TBX15: variants seen among roughly 807,000 people sequenced by gnomAD.
The protein encoded by TBX15 is T-box transcription factor TBX15.
Under a neutral mutation model 53.9 loss-of-function variants are expected in TBX15, and 18 were observed. The ratio of observed to expected loss-of-function variants is 0.33; its 90% confidence interval spans 0.23 to 0.49. The LOEUF (loss-of-function observed/expected upper bound fraction) is 0.49. TBX15 is among the 20% of genes least tolerant of loss of function. TBX15 has a pLI of 0.98. For synonymous variants in TBX15, 295 were observed against 278.0 expected (o/e 1.06, Z -0.61); for missense variants, 692 against 749.5 (o/e 0.92, Z 0.90).
intron 7 of TBX15, among the ~76,000 whole-genome samples, chr1:118,894,242 G>A (rs1246513532): frequency 1.3e-5 from 2 of 152,124 alleles, no homozygotes; most frequent in Admixed American, 1.3e-4. Flanking sequence ...AGTAATAATA[G>A]CAATAATGAG....
intron 1 of TBX15, among the ~76,000 whole-genome samples, chr1:118,973,859 A>G (rs1657326636): frequency 6.6e-6 from 1 of 152,094 alleles, no homozygotes; most frequent in Non-Finnish European, 1.5e-5. Context: ...CTGTGTCTTC[A>G]GGAAGCACCT....
At chr1:118,977,393 T>G (rs1368788563) in intron 1 of TBX15, among the ~76,000 whole-genome samples, 1 of 152,220 alleles carries the variant, frequency 6.6e-6, no homozygotes, top group Non-Finnish European at 1.5e-5. Context: ...ATCATTATTA[T>G]AGTTTTGTTA....
intron 6 of TBX15, among the ~76,000 whole-genome samples, chr1:118,908,392 A>C (rs1010842480): frequency 1.3e-5 from 2 of 152,042 alleles, no homozygotes; most frequent in Admixed American, 1.3e-4. Flanking sequence ...AAAAAAAAAA[A>C]AAATCTCAAG....
chr1:118,972,762 G>A (rs540954117), intron 1 of TBX15, among the ~76,000 whole-genome samples: 1 of 152,210 alleles, frequency 6.6e-6, no homozygotes, highest in South Asian at 2.1e-4. Flanking sequence ...ACCACACCCA[G>A]CTAATTTTTG....
At chr1:118,978,691 T>C (rs1571219611) in intron 1 of TBX15, among the ~76,000 whole-genome samples, 1 of 152,198 alleles carries the variant, frequency 6.6e-6, no homozygotes, top group East Asian at 1.9e-4. Context: ...TGCAGGAGAG[T>C]GAAGACATAT....
chr1:118,943,955 A>G (rs892348365), intron 1 of TBX15, among the ~76,000 whole-genome samples: 2 of 152,058 alleles, frequency 1.3e-5, no homozygotes, highest in African/African-American at 4.8e-5. Context: ...CCATTTCAAA[A>G]CTTCACCTCA....
chr1:118,978,316 C>G (rs1251380277), intron 1 of TBX15, among the ~76,000 whole-genome samples: 1 of 152,048 alleles, frequency 6.6e-6, no homozygotes, highest in Non-Finnish European at 1.5e-5. Flanking sequence ...TCCTTCGTTC[C>G]AACAAAGTAA....
chr1:118,943,602 C>T (rs1315094036), intron 1 of TBX15, among the ~76,000 whole-genome samples: 1 of 152,174 alleles, frequency 6.6e-6, no homozygotes, highest in Non-Finnish European at 1.5e-5. Context: ...AGGGAGCAAA[C>T]TCTCACCTTG....
intron 5 of TBX15, among the ~76,000 whole-genome samples, chr1:118,919,199 A>G (rs559182439): frequency 6.6e-6 from 1 of 152,360 alleles, no homozygotes; most frequent in South Asian, 2.1e-4. Context: ...CCTGTTCGAA[A>G]ACAAAAATCA....
intron 1 of TBX15, among the ~76,000 whole-genome samples, chr1:118,966,942 A>C (rs2101690815): frequency 6.6e-6 from 1 of 152,372 alleles, no homozygotes; most frequent in African/African-American, 2.4e-5. Context: ...TGGTTCAGTC[A>C]AAACAGTTAA....
chr1:118,958,020 A>T (rs1479259128), intron 1 of TBX15, among the ~76,000 whole-genome samples: 1 of 152,262 alleles, frequency 6.6e-6, no homozygotes, highest in African/African-American at 2.4e-5. Context: ...AAATTAATGC[A>T]AAAATTTGCC....
At chr1:118,954,503 G>C (rs1233777665) in intron 1 of TBX15, among the ~76,000 whole-genome samples, 2 of 152,162 alleles carry the variant, frequency 1.3e-5, no homozygotes, top group African/African-American at 4.8e-5. Context: ...CCCTACAACA[G>C]GATCACAGAA....
intron 1 of TBX15, among the ~76,000 whole-genome samples, chr1:118,977,165 C>A (rs867617871): frequency 6.6e-6 from 1 of 152,044 alleles, no homozygotes; most frequent in Non-Finnish European, 1.5e-5. Context: ...GAAGTCTGAC[C>A]CCAAGAATCT....
At position 118,896,687 on chromosome 1, in the gene TBX15, T is replaced by C. The variant is rs571720396; in HGVS notation, c.1024+2341A>G. On this transcript the variant is annotated intron_variant, in intron 7 of 7. Transcript: ENST00000369429. ...AATAGCCTACCACTGCAGTTTCCAC[T>C]AGAAGCTCATTCCTCTCTATTCCTT... Among the ~76,000 whole-genome samples, 30 of 152,300 alleles carry C rather than the reference T, an allele frequency of 2.0e-4. 2 individuals are homozygous for C. The South Asian group carries it at 5.2e-3, about 26-fold the overall frequency.
At chr1:118,934,491 A>T (rs1243332413) in intron 1 of TBX15, among the ~76,000 whole-genome samples, 2 of 152,178 alleles carry the variant, frequency 1.3e-5, no homozygotes, top group African/African-American at 4.8e-5. Flanking sequence ...TAGAAACAGA[A>T]TCCAAGACCT....
chr1:118,937,465 G>A (rs1656006316), intron 1 of TBX15, among the ~76,000 whole-genome samples: 2 of 152,126 alleles, frequency 1.3e-5, no homozygotes, highest in Non-Finnish European at 2.9e-5. Flanking sequence ...TTAACGTGCA[G>A]GTAGTGATAG....
intron 1 of TBX15, among the ~76,000 whole-genome samples, chr1:118,983,967 G>A (rs1376322946): frequency 2.0e-5 from 3 of 152,236 alleles, no homozygotes; most frequent in Non-Finnish European, 4.4e-5. Context: ...ACCCTATTGG[G>A]GGTTGGAGGT....
In TBX15 at chr1:118,988,058, C is replaced by G; in HGVS notation, c.-263G>C. 3.6e-6 allele frequency: 2 copies of G among 548,034 alleles called. No homozygotes were observed. Among genetic ancestry groups the G allele is most frequent in the South Asian group, 2.2e-5 (1 of 44,618 alleles). 33.9% of individuals were successfully genotyped at this position (548,034 alleles called of 1,614,324 possible). On this transcript the variant is annotated 5_prime_UTR_variant, in exon 1 of 8. Coordinates refer to ENST00000369429, the MANE Select transcript of TBX15 (RefSeq NM_001330677.2). ...GCCGCCCGCTCGCTGCATGAGCGCC[C>G]GAGTCCTGCTTCCCACCCACCGGGG...
At chr1:118,904,235 C>T (rs961283192) in intron 6 of TBX15, among the ~76,000 whole-genome samples, 3 of 152,064 alleles carry the variant, frequency 2.0e-5, no homozygotes, top group Admixed American at 1.3e-4. Flanking sequence ...TTTGAAAGGA[C>T]ATATAACTAG....
Sources: gnomAD v4.1 joint callset for allele counts (sites outside exome capture counted in the v4.1 genomes callset) on GRCh38, gnomAD v4.1.1 for gene constraint, MANE v1.5 for transcripts, NCBI Gene and HGNC (gene_info 2026-07-23, HGNC 2026-07-21) for gene names.